The following PFKFB3 variants were observed in gnomAD, a reference collection of about 807,000 sequenced individuals.
PFKFB3 encodes the protein 6-phosphofructo-2-kinase/fructose-2,6-bisphosphatase 3.
A neutral mutation model predicts 68.0 loss-of-function variants in PFKFB3; 33 were observed. That is an observed-to-expected ratio of 0.49 (90% confidence interval 0.37 to 0.65). The LOEUF (loss-of-function observed/expected upper bound fraction) is 0.65, where lower values mean the gene tolerates loss of function less well. Among genes scored for constraint, PFKFB3 ranks in the 30% least tolerant of loss-of-function variants. The probability of loss-of-function intolerance (pLI) is 0.00; values close to 1 mark genes in which losing one functional copy is unlikely to be tolerated. For synonymous variants in PFKFB3, 315 were observed against 288.2 expected (o/e 1.09, Z -0.94); for missense variants, 586 against 712.2 (o/e 0.82, Z 2.02).
At chr10:6,157,909 G>A (rs1292663382) in intron 1 of PFKFB3, among the ~76,000 whole-genome samples, 2 of 152,048 alleles carry the variant, frequency 1.3e-5, no homozygotes, top group Non-Finnish European at 2.9e-5. Flanking sequence ...GAATAAGCAG[G>A]CAGTCCATTG....
chr10:6,171,349 C>G (rs1264158618), intron 1 of PFKFB3, among the ~76,000 whole-genome samples: 1 of 152,056 alleles, frequency 6.6e-6, no homozygotes, highest in African/African-American at 2.4e-5. Flanking sequence ...GCCACCGGGC[C>G]CGGCCCTTCT....
intron 1 of PFKFB3, among the ~76,000 whole-genome samples, chr10:6,206,916 GATGGGCGGCCAGGCAGAGACA>G (rs1843798340): frequency 2.9e-5 from 4 of 139,038 alleles, no homozygotes; most frequent in African/African-American, 1.0e-4. Flanking sequence ...CATCCCAGAC[GATGGGCGGCCAGGCAGAGACA>G]CTCCTCACTT....
intron 11 of PFKFB3, 42 bp downstream of exon 11, chr10:6,223,026 G>A (rs746594431): frequency 1.3e-6 from 2 of 1,593,752 alleles, no homozygotes; most frequent in East Asian, 2.3e-5. Flanking sequence ...AGGGAGGAGG[G>A]GACTGGCACT....
chr10:6,161,018 C>T (rs1841952330), intron 1 of PFKFB3, among the ~76,000 whole-genome samples: 1 of 151,020 alleles, frequency 6.6e-6, no homozygotes. Flanking sequence ...TCACTGCAAC[C>T]TCCGCTTCTC....
At chr10:6,226,511 C>A in intron 14 of PFKFB3, 146 bp downstream of exon 14, 1 of 707,236 alleles carries the variant, frequency 1.4e-6, no homozygotes, top group Non-Finnish European at 2.3e-6. Flanking sequence ...TGTCTGTGCA[C>A]GTGTGTTGTG....
intron 1 of PFKFB3, chr10:6,146,103 A>T (rs1841381006): frequency 2.3e-6 from 1 of 428,858 alleles, no homozygotes; most frequent in Non-Finnish European, 3.1e-6. Flanking sequence ...CCCCACTGCG[A>T]CCTGGGCACA....
intron 1 of PFKFB3, among the ~76,000 whole-genome samples, chr10:6,183,614 A>AAAAAAAAT (rs1242752213): frequency 4.3e-5 from 4 of 93,944 alleles, no homozygotes; most frequent in African/African-American, 1.4e-4. Context: ...AAAAAAAAAA[A>AAAAAAAAT]ATATATATAT....
the PFKFB3 span, among the ~76,000 whole-genome samples, chr10:6,319,767 C>T: frequency 2.0e-5 from 3 of 152,056 alleles, no homozygotes; most frequent in South Asian, 6.2e-4. Context: ...AATTAACTCC[C>T]TTGATACATT....
chr10:6,204,748 T>G (rs1843576260), intron 1 of PFKFB3, among the ~76,000 whole-genome samples: 1 of 152,264 alleles, frequency 6.6e-6, no homozygotes, highest in Admixed American at 6.5e-5. Flanking sequence ...ATGCAGCTCT[T>G]AAATCCCCAG....
chr10:6,262,314 TGG>T, the PFKFB3 span, among the ~76,000 whole-genome samples: 3 of 144,948 alleles, frequency 2.1e-5, no homozygotes, highest in African/African-American at 5.1e-5. Flanking sequence ...ATTAGCCGGG[TGG>T]GGTGGGGGGT....
chr10:6,216,684 G>C (rs1198077396), intron 4 of PFKFB3, 22 bp from the exon 5 acceptor site: 9 of 1,523,664 alleles, frequency 5.9e-6, no homozygotes, highest in Non-Finnish European at 8.2e-6. Flanking sequence ...TTTTCTTCCT[G>C]GCCCTTTGCT....
intron 1 of PFKFB3, among the ~76,000 whole-genome samples, chr10:6,207,098 GGAA>G (rs1294095567): frequency 3.3e-5 from 5 of 152,202 alleles, no homozygotes; most frequent in African/African-American, 4.8e-5. Context: ...GCTGGGAGGT[GGAA>G]GTTGTAGCGA....
chr10:6,219,533 G>A (rs762598530), intron 6 of PFKFB3, 36 bp from the exon 7 acceptor site: 21 of 1,613,502 alleles, frequency 1.3e-5, no homozygotes, highest in Middle Eastern at 3.3e-4. Flanking sequence ...AAGCCTTCCA[G>A]CGTGATTTAT....
downstream of PFKFB3, among the ~76,000 whole-genome samples, chr10:6,236,805 G>T (rs1255225189): frequency 1.3e-5 from 2 of 152,230 alleles, no homozygotes; most frequent in East Asian, 3.9e-4. Context: ...GGGCTGTGGG[G>T]ATCCACAGGG....
At chr10:6,294,625 G>A in the PFKFB3 span, 1,691 of 159,086 alleles carry the variant, frequency 0.011, 19 homozygotes, top group Non-Finnish European at 0.017. Context: ...ACCATATCAA[G>A]CAGTTTGAGC....
the PFKFB3 span, among the ~76,000 whole-genome samples, chr10:6,285,018 G>C: frequency 2.6e-5 from 4 of 151,140 alleles, no homozygotes; most frequent in African/African-American, 7.3e-5. Flanking sequence ...CTACCTTTTG[G>C]CTATTGTGAA....
At chr10:6,261,871 G>A in the PFKFB3 span, among the ~76,000 whole-genome samples, 1 of 151,930 alleles carries the variant, frequency 6.6e-6, no homozygotes, top group East Asian at 1.9e-4. Flanking sequence ...GGCACACATC[G>A]GTAGTCCCAG....
At chr10:6,167,040 G>A (rs960716488) in intron 1 of PFKFB3, among the ~76,000 whole-genome samples, 1 of 152,006 alleles carries the variant, frequency 6.6e-6, no homozygotes, top group Non-Finnish European at 1.5e-5. Flanking sequence ...TGTTGGTCAG[G>A]AACTCCCCAT....
Position 6,222,887 on chromosome 10 carries a change from A to T in PFKFB3, c.1116A>T (p.Pro372=). ...SYQDLVQRLE[P]VIMELERQEN... is the part of the protein sequence containing the mutation. ...AGGACCTGGTCCAGCGCTTGGAGCC[A>T]GTGATCATGGAGCTGGAGCGGCAGG... The change falls in exon 11 of 15, where the codon CCA becomes CCT. Residue 372 remains proline, a synonymous_variant. Transcript: ENST00000379775. 6.2e-7 allele frequency: 1 copy of T among 1,613,892 alleles called. No homozygotes were observed. The highest frequency in any genetic ancestry group is 8.5e-7 in the Non-Finnish European group (1 of 1,179,900).
Sources: gnomAD v4.1 joint callset for allele counts (sites outside exome capture counted in the v4.1 genomes callset) on GRCh38, gnomAD v4.1.1 for gene constraint, MANE v1.5 for transcripts, NCBI Gene and HGNC (gene_info 2026-07-23, HGNC 2026-07-21) for gene names.